PDE3B: variants seen among roughly 807,000 people sequenced by gnomAD.
PDE3B encodes phosphodiesterase 3B.
A neutral mutation model predicts 116.8 loss-of-function variants in PDE3B; 66 were observed. That is an observed-to-expected ratio of 0.56 (90% CI 0.46 to 0.69). The LOEUF is 0.69. Among genes scored for constraint, PDE3B ranks in the 30% least tolerant of loss-of-function variants. The pLI, the probability that PDE3B is intolerant of heterozygous loss-of-function variation, is 0.00. For synonymous variants in PDE3B, 595 were observed against 533.6 expected (o/e 1.12, Z -1.59); for missense variants, 1,384 against 1,368.1 (o/e 1.01, Z -0.18).
chr11:14,887,643 C>G, the PDE3B span: 1 of 985,074 alleles, frequency 1.0e-6, no homozygotes, highest in Admixed American at 6.2e-5. Flanking sequence ...CTAGATCACT[C>G]CATGATCTTC....
intron 1 of PDE3B, among the ~76,000 whole-genome samples, chr11:14,743,791 A>C (rs1856834963): frequency 6.6e-6 from 1 of 152,120 alleles, no homozygotes; most frequent in African/African-American, 2.4e-5. Context: ...ACAGTCCCTC[A>C]TGGCTTCCCT....
intron 7 of PDE3B, among the ~76,000 whole-genome samples, chr11:14,825,159 A>G (rs1414769896): frequency 6.6e-6 from 1 of 152,204 alleles, no homozygotes; most frequent in African/African-American, 2.4e-5. Context: ...TATGAAAGGA[A>G]GAACCATTAC....
chr11:14,879,234 G>T, the PDE3B span: 1 of 1,613,246 alleles, frequency 6.2e-7, no homozygotes, highest in Non-Finnish European at 8.5e-7. Flanking sequence ...ACAGAATAAA[G>T]ATTTGTAATT....
chr11:14,745,822 T>C (rs770989047), intron 1 of PDE3B, among the ~76,000 whole-genome samples: 17 of 152,218 alleles, frequency 1.1e-4, no homozygotes, highest in Non-Finnish European at 1.3e-4. Flanking sequence ...GTATATTGGC[T>C]GGATTCTCTT....
chr11:14,879,501 AT>A, the PDE3B span: 1 of 1,344,752 alleles, frequency 7.4e-7, no homozygotes. Flanking sequence ...ACCTAAAGTT[AT>A]TTCCCTCTGG....
chr11:14,712,925 A>G (rs1451850034), intron 1 of PDE3B, among the ~76,000 whole-genome samples: 3 of 152,234 alleles, frequency 2.0e-5, no homozygotes, highest in African/African-American at 7.2e-5. Context: ...TAAATAGTGA[A>G]CTGTTTGGTT....
chr11:14,706,725 A>G (rs1341103939), intron 1 of PDE3B, among the ~76,000 whole-genome samples: 1 of 152,014 alleles, frequency 6.6e-6, no homozygotes, highest in Non-Finnish European at 1.5e-5. Context: ...AATTGTACTT[A>G]TTATCAATTC....
chr11:14,777,330 T>C (rs1320780332), intron 2 of PDE3B, among the ~76,000 whole-genome samples: 1 of 152,174 alleles, frequency 6.6e-6, no homozygotes, highest in Admixed American at 6.5e-5. Context: ...TGAAAGAGTA[T>C]CTGAAGAAGT....
intron 12 of PDE3B, among the ~76,000 whole-genome samples, chr11:14,855,521 A>C (rs1847832902): frequency 6.6e-6 from 1 of 152,186 alleles, no homozygotes; most frequent in Non-Finnish European, 1.5e-5. Context: ...TATTGGGTGC[A>C]TATTGTGGGA....
rs531825284 is a variant in PDE3B, at chr11:14,808,885, T to G, written c.1522+4835T>G. ...AAGACCTAAATATATTGGAAGACAT[T>G]CCACGTTTAAGGATCAGAAGACTTA... On this transcript the variant is annotated intron_variant, in intron 5 of 15. Transcript: ENST00000282096. Among the ~76,000 whole-genome samples the G allele has an allele frequency of 2.4e-4, 37 of 152,250 alleles. No individual in the cohort carries two copies. In the South Asian group the frequency reaches 7.5e-3, roughly 31 times the overall value.
intron 2 of PDE3B, chr11:14,774,649 A>G (rs375228812): frequency 6.6e-6 from 1 of 152,218 alleles, no homozygotes; most frequent in African/African-American, 2.4e-5. Context: ...AACAATCAAG[A>G]TTTTGCTAAA....
chr11:14,730,928 A>G (rs1194126773), intron 1 of PDE3B, among the ~76,000 whole-genome samples: 2 of 152,232 alleles, frequency 1.3e-5, no homozygotes, highest in Non-Finnish European at 2.9e-5. Context: ...TAGAGAGGTT[A>G]AGTAGCTCAA....
At chr11:14,862,652 C>G (rs1555007402) in intron 14 of PDE3B, among the ~76,000 whole-genome samples, 1 of 152,176 alleles carries the variant, frequency 6.6e-6, no homozygotes, top group African/African-American at 2.4e-5. Flanking sequence ...CGGCTCACTG[C>G]AACCTCTGCC....
chr11:14,731,346 C>T (rs924952048), intron 1 of PDE3B, among the ~76,000 whole-genome samples: 6 of 150,654 alleles, frequency 4.0e-5, no homozygotes, highest in Non-Finnish European at 8.8e-5. Flanking sequence ...GCAAGTTCCG[C>T]GTCCCGAGTT....
rs763712671 is a variant in PDE3B, at chr11:14,644,298, T to G, written c.223T>G (p.Phe75Val). The G allele has an allele frequency of 3.2e-6, 5 of 1,564,834 alleles. No individual in the cohort carries two copies. The highest frequency in any genetic ancestry group is 4.3e-6 in the Non-Finnish European group (5 of 1,161,904). ...CCAGCAGCCGCGGCGCTGCTCCCCC[T>G]TCTGCCGGGCGCGCCTCTCGCTGGG... Reference protein sequence around the residue: ...SPQQPRRCSPFCRARLSLGAL... With the variant: ...SPQQPRRCSPVCRARLSLGAL... Residue 75 changes from phenylalanine (F) to valine (V), a missense_variant, in exon 1 of 16, where the codon TTC (phenylalanine) becomes GTC (valine). Around this residue, in one of 2 missense-constraint regions of PDE3B, gnomAD observed 956 missense variants for 806.8 expected, o/e 1.18. Transcript: ENST00000282096.
chr11:14,651,448 G>A (rs945809114), intron 1 of PDE3B, among the ~76,000 whole-genome samples: 1 of 152,180 alleles, frequency 6.6e-6, no homozygotes. Flanking sequence ...GCCCATGTAG[G>A]TAGAAACAGA....
At chr11:14,744,586 A>G (rs1487478056) in intron 1 of PDE3B, among the ~76,000 whole-genome samples, 3 of 152,238 alleles carry the variant, frequency 2.0e-5, no homozygotes, top group Non-Finnish European at 4.4e-5. Context: ...TATTTCATCT[A>G]TATCTCCCAT....
the PDE3B span, among the ~76,000 whole-genome samples, chr11:14,888,687 C>G: frequency 1.3e-5 from 2 of 152,264 alleles, no homozygotes; most frequent in Admixed American, 1.3e-4. Flanking sequence ...CTTCTGCCTG[C>G]ATGCTAAATT....
At chr11:14,887,514 G>A in the PDE3B span, 1 of 816,408 alleles carries the variant, frequency 1.2e-6, no homozygotes, top group Non-Finnish European at 1.5e-6. Context: ...ATCTATGGAA[G>A]GGTACAAGAT....
Sources: gnomAD v4.1 joint callset for allele counts (sites outside exome capture counted in the v4.1 genomes callset) on GRCh38, gnomAD v4.1.1 for gene constraint, gnomAD v4.1.1 regional missense constraint, MANE v1.5 for transcripts, NCBI Gene and HGNC (gene_info 2026-07-23, HGNC 2026-07-21) for gene names.